LRRC49: variants seen among roughly 807,000 people sequenced by gnomAD.
The protein encoded by LRRC49 is leucine rich repeat containing 49, also known as leucine-rich repeat-containing protein 49.
In LRRC49, 50 loss-of-function variants were observed where a neutral mutation model predicts 83.3. The observed-to-expected ratio is 0.60, with a 90% confidence interval of 0.48 to 0.76. LRRC49 has a LOEUF of 0.76. Among genes scored for constraint, LRRC49 ranks in the 30% least tolerant of loss-of-function variants. The pLI is 0.00. For synonymous variants in LRRC49, 286 were observed against 283.3 expected (o/e 1.01, Z -0.10); for missense variants, 704 against 809.1 (o/e 0.87, Z 1.58).
intron 14 of LRRC49, among the ~76,000 whole-genome samples, chr15:71,025,833 A>T (rs1487846648): frequency 6.6e-6 from 1 of 152,176 alleles, no homozygotes; most frequent in Non-Finnish European, 1.5e-5. Flanking sequence ...AACTATCCTA[A>T]GTATATATGC....
chr15:70,859,748 G>T (rs1157392673), intron 1 of LRRC49: 1 of 715,420 alleles, frequency 1.4e-6, no homozygotes, highest in Non-Finnish European at 2.6e-6. Context: ...GGAGCTGGCC[G>T]TTAAGGATGC....
At chr15:70,955,208 T>C (rs952714298) in intron 8 of LRRC49, among the ~76,000 whole-genome samples, 1 of 152,192 alleles carries the variant, frequency 6.6e-6, no homozygotes, top group African/African-American at 2.4e-5. Context: ...ACCATATTTT[T>C]ACTGTTATTT....
At chr15:71,003,615 T>C (rs780995408) in intron 11 of LRRC49, among the ~76,000 whole-genome samples, 27 of 152,236 alleles carry the variant, frequency 1.8e-4, no homozygotes, top group Non-Finnish European at 3.1e-4. Flanking sequence ...CTGTGTTCTC[T>C]TTTATTAATA....
chr15:71,039,881 G>C (rs908627472), intron 15 of LRRC49, among the ~76,000 whole-genome samples: 3 of 152,112 alleles, frequency 2.0e-5, no homozygotes, highest in Non-Finnish European at 4.4e-5. Context: ...AAAATTGTTT[G>C]AGAGTATTGA....
intron 1 of LRRC49, chr15:70,859,157 T>G (rs2032725058): frequency 6.4e-6 from 9 of 1,415,940 alleles, no homozygotes; most frequent in Middle Eastern, 4.1e-4. Flanking sequence ...CAACCTTAGG[T>G]GGCAGCTGGA....
chr15:70,942,548 A>C (rs2035858841), intron 8 of LRRC49, among the ~76,000 whole-genome samples: 1 of 152,226 alleles, frequency 6.6e-6, no homozygotes, highest in Non-Finnish European at 1.5e-5. Context: ...TTGTACTTAT[A>C]TTATAGAAAT....
At chr15:70,964,880 T>G (rs956748714) in intron 9 of LRRC49, among the ~76,000 whole-genome samples, 1 of 152,178 alleles carries the variant, frequency 6.6e-6, no homozygotes, top group Non-Finnish European at 1.5e-5. Flanking sequence ...CCTATTTCTT[T>G]GTATATTAGC....
intron 5 of LRRC49, among the ~76,000 whole-genome samples, chr15:70,909,878 A>ACACACACACAC (rs56281773): frequency 6.7e-6 from 1 of 150,372 alleles, no homozygotes; most frequent in Non-Finnish European, 1.5e-5. Flanking sequence ...ACACACACAC[A>ACACACACACAC]AAACAAACAA....
At position 70,859,163 on chromosome 15, in the gene LRRC49, C is replaced by A. The variant is rs891504808; in HGVS notation, c.-299+5694C>A. 17 of 1,432,122 alleles carry A rather than the reference C, an allele frequency of 1.2e-5. No homozygotes were observed. The African/African-American group carries it at 2.1e-4, about 18-fold the overall frequency. The allele number at this position is 1,432,122 out of a possible 1,614,324, so 88.7% of individuals were successfully genotyped here. A position where few individuals can be genotyped will look rare whatever the true frequency, so the allele number is the denominator to read the frequency against. ...CTATATCAACAACCTTAGGTGGCAG[C>A]TGGAGACTCTGAGCCAGGAGAAGCT... On this transcript the variant is annotated intron_variant, in intron 1 of 16. Transcript: ENST00000544974.
chr15:70,920,275 G>T (rs147677812), intron 7 of LRRC49, among the ~76,000 whole-genome samples: 2 of 152,144 alleles, frequency 1.3e-5, no homozygotes, highest in Non-Finnish European at 1.5e-5. Flanking sequence ...GTACAGATTG[G>T]TTTTATTTTG....
At chr15:70,899,520 A>G (rs1482760265) in intron 3 of LRRC49, among the ~76,000 whole-genome samples, 1 of 152,058 alleles carries the variant, frequency 6.6e-6, no homozygotes, top group African/African-American at 2.4e-5. Context: ...GTCAATTCTG[A>G]ATGCTTATAC....
chr15:71,022,437 A>G (rs968825483), intron 14 of LRRC49, among the ~76,000 whole-genome samples: 1 of 152,214 alleles, frequency 6.6e-6, no homozygotes, highest in African/African-American at 2.4e-5. Flanking sequence ...AAGTTCAACT[A>G]TATGTTGTTT....
intron 11 of LRRC49, among the ~76,000 whole-genome samples, chr15:70,992,003 T>G (rs2037899241): frequency 6.6e-6 from 1 of 152,234 alleles, no homozygotes; most frequent in African/African-American, 2.4e-5. Context: ...TTCAGCTCAC[T>G]TGGGATCCAC....
intron 11 of LRRC49, among the ~76,000 whole-genome samples, chr15:71,003,349 A>T (rs192543716): frequency 6.6e-6 from 1 of 152,326 alleles, no homozygotes; most frequent in Admixed American, 6.5e-5. Context: ...CTGCTGTTAT[A>T]TAATTAATAT....
Position 70,936,595 on chromosome 15 carries a change from T to A in LRRC49, c.712-166T>A, listed in dbSNP as rs2035607295. 6 of 561,916 alleles carry A rather than the reference T, an allele frequency of 1.1e-5. No homozygotes were observed. The South Asian group carries it at 1.5e-4, about 14-fold the overall frequency. The allele number at this position is 561,916 out of a possible 1,614,324, so 34.8% of individuals were successfully genotyped here. A position where few individuals can be genotyped will look rare whatever the true frequency, so the allele number is the denominator to read the frequency against. On this transcript the variant is annotated intron_variant, in intron 7 of 15. Transcript: ENST00000260382. The stretch of plus-strand genomic sequence containing the variant: ...TGCGGATGTACTGAAACCCTCCCAT[T>A]TAATCTGCAGTGGAGGAGAGTGGAG...
intron 2 of LRRC49, among the ~76,000 whole-genome samples, chr15:70,880,498 TC>T (rs1208371028): frequency 6.6e-6 from 1 of 152,130 alleles, no homozygotes; most frequent in African/African-American, 2.4e-5. Context: ...ATATAACTTT[TC>T]CCCCCACTAA....
intron 7 of LRRC49, among the ~76,000 whole-genome samples, chr15:70,926,192 C>T (rs1315533745): frequency 6.6e-6 from 1 of 152,054 alleles, no homozygotes; most frequent in Non-Finnish European, 1.5e-5. Flanking sequence ...TGGTTATTTC[C>T]AATTTTTGGC....
At chr15:70,884,110 A>G (rs1260324133) in intron 2 of LRRC49, among the ~76,000 whole-genome samples, 1 of 152,176 alleles carries the variant, frequency 6.6e-6, no homozygotes, top group Non-Finnish European at 1.5e-5. Context: ...CTGGGAGGAG[A>G]GAAAGTAAGT....
At chr15:71,004,811 C>A (rs1034418329) in intron 11 of LRRC49, among the ~76,000 whole-genome samples, 2 of 151,970 alleles carry the variant, frequency 1.3e-5, no homozygotes, top group African/African-American at 4.8e-5. Context: ...AATCAAATAC[C>A]GCATGCTCTT....
Sources: gnomAD v4.1 joint callset for allele counts (sites outside exome capture counted in the v4.1 genomes callset) on GRCh38, gnomAD v4.1.1 for gene constraint, MANE v1.5 for transcripts, NCBI Gene and HGNC (gene_info 2026-07-23, HGNC 2026-07-21) for gene names.